Variants in GPC4 observed in about 807,000 individuals in gnomAD.
GPC4 encodes the protein glypican 4, also known as glypican-4.
Under a neutral mutation model 35.0 loss-of-function variants are expected in GPC4, and 10 were observed. The ratio of observed to expected loss-of-function variants is 0.29; its 90% confidence interval spans 0.18 to 0.48. The LOEUF is 0.48. GPC4 is among the 20% of genes least tolerant of loss of function. The pLI, the probability that GPC4 is intolerant of heterozygous loss-of-function variation, is 0.99. For synonymous variants in GPC4, 167 were observed against 170.2 expected (o/e 0.98, Z 0.15); for missense variants, 322 against 451.3 (o/e 0.71, Z 2.60).
chrX:133,355,641 G>C (rs113549723), intron 1 of GPC4, among the ~76,000 whole-genome samples: 24 of 111,549 alleles, frequency 2.2e-4, no homozygotes, highest in African/African-American at 6.2e-4. Context: ...GAACAAGAAG[G>C]GTCAATGAAA....
At chrX:133,385,593 G>A (rs111918650) in intron 1 of GPC4, among the ~76,000 whole-genome samples, 2,189 of 111,447 alleles carry the variant, frequency 0.02, 57 homozygotes, top group African/African-American at 0.068. Flanking sequence ...CAGAAACTTA[G>A]GTTCAGTTTC....
chrX:133,389,734 T>C (rs753669623), intron 1 of GPC4, among the ~76,000 whole-genome samples: 1 of 111,074 alleles, frequency 9.0e-6, no homozygotes, highest in Non-Finnish European at 1.9e-5. Flanking sequence ...CTACCCAAGA[T>C]GACTCTGTTG....
intron 3 of GPC4, among the ~76,000 whole-genome samples, chrX:133,315,396 C>A (rs892330803): frequency 1.7e-4 from 19 of 110,410 alleles, no homozygotes; most frequent in African/African-American, 6.3e-4. Flanking sequence ...CCAGGCACTG[C>A]TGGGGGCTCT....
At chrX:133,326,969 G>A (rs766285358) in intron 2 of GPC4, among the ~76,000 whole-genome samples, 35 of 112,674 alleles carry the variant, frequency 3.1e-4, no homozygotes, top group South Asian at 2.2e-3. Context: ...AAAGGCACAC[G>A]TGGATTGCGT....
At position 133,324,426 on chromosome X, in the gene GPC4, C is replaced by G. The variant is rs768240369; in HGVS notation, c.430G>C (p.Val144Leu). The change falls in exon 3 of 9, where the codon GTA (valine) becomes CTA (leucine). Residue 144 changes from valine to leucine, a missense_variant. Physicochemically the swap from Val to Leu is conservative, Grantham distance 32. Transcript: ENST00000370828. Reference protein sequence around the residue: ...QNSELFKDLFVELKRYYVVGN... With the variant: ...QNSELFKDLFLELKRYYVVGN... ...ACCACGTAGTAACGTTTCAACTCTACGAAGAGATCTTTAAATAGCTCAGAA... is the reference window on the plus strand; with the variant it reads ...ACCACGTAGTAACGTTTCAACTCTAGGAAGAGATCTTTAAATAGCTCAGAA... 8.3e-7 allele frequency: 1 copy of G among 1,210,421 alleles called. No homozygotes were observed. The highest frequency in any genetic ancestry group is 2.2e-5 in the Admixed American group (1 of 45,804).
At chrX:133,408,033 C>A (rs752228114) in intron 1 of GPC4, among the ~76,000 whole-genome samples, 2 of 112,508 alleles carry the variant, frequency 1.8e-5, no homozygotes, top group South Asian at 7.3e-4. Flanking sequence ...GCTGATGCAG[C>A]TCTTTGATTT....
intron 1 of GPC4, among the ~76,000 whole-genome samples, chrX:133,405,177 C>T (rs191278266): frequency 2.0e-5 from 2 of 100,973 alleles, no homozygotes; most frequent in African/African-American, 7.4e-5. Context: ...GGCTCAATCT[C>T]GGCTCACTGC....
At chrX:133,404,032 T>C (rs1330361401) in intron 1 of GPC4, among the ~76,000 whole-genome samples, 1 of 111,202 alleles carries the variant, frequency 9.0e-6, no homozygotes, top group Non-Finnish European at 1.9e-5. Context: ...AATAGCTACA[T>C]AGTCAGACAC....
intron 3 of GPC4, among the ~76,000 whole-genome samples, chrX:133,315,364 C>T (rs1219626971): frequency 4.5e-5 from 5 of 110,243 alleles, no homozygotes; most frequent in Non-Finnish European, 9.4e-5. Context: ...AGTGGTGGCA[C>T]TTACTGTCAC....
intron 1 of GPC4, among the ~76,000 whole-genome samples, chrX:133,350,114 G>C (rs73239381): frequency 0.062 from 6,912 of 111,065 alleles, 256 homozygotes; most frequent in Non-Finnish European, 0.098. Context: ...AAATATACCA[G>C]AAGAATAACA....
At chrX:133,348,763 T>G (rs1441510148) in intron 1 of GPC4, among the ~76,000 whole-genome samples, 1 of 112,374 alleles carries the variant, frequency 8.9e-6, no homozygotes, top group East Asian at 2.8e-4. Flanking sequence ...TTCAAGCTCT[T>G]TAAGAGAAAA....
At chrX:133,392,628 T>A in intron 1 of GPC4, among the ~76,000 whole-genome samples, 1 of 102,393 alleles carries the variant, frequency 9.8e-6, no homozygotes, top group Admixed American at 1.1e-4. Flanking sequence ...GTCACCCAAC[T>A]TCAGGCTTTA....
At chrX:133,317,040 G>T (rs777637155) in intron 3 of GPC4, among the ~76,000 whole-genome samples, 1 of 111,543 alleles carries the variant, frequency 9.0e-6, no homozygotes, top group South Asian at 3.8e-4. Flanking sequence ...TGATAGAAAG[G>T]GAATATCATC....
intron 1 of GPC4, among the ~76,000 whole-genome samples, chrX:133,402,988 C>G (rs1296458664): frequency 9.1e-6 from 1 of 109,838 alleles, no homozygotes; most frequent in African/African-American, 3.3e-5. Flanking sequence ...CTGGAACAGA[C>G]AGCGTAAGAA....
intron 1 of GPC4, among the ~76,000 whole-genome samples, chrX:133,381,791 G>A (rs780154700): frequency 5.3e-5 from 6 of 112,212 alleles, no homozygotes; most frequent in Non-Finnish European, 1.1e-4. Flanking sequence ...GCCTACTGTT[G>A]TCTTACCACA....
intron 2 of GPC4, among the ~76,000 whole-genome samples, chrX:133,327,034 C>T (rs1400444142): frequency 8.9e-6 from 1 of 112,817 alleles, no homozygotes; most frequent in Non-Finnish European, 1.9e-5. Flanking sequence ...AAAAACAAAG[C>T]TTTGCCATCA....
chrX:133,335,281 T>C (rs58607482), intron 2 of GPC4, among the ~76,000 whole-genome samples: 9,852 of 109,553 alleles, frequency 0.09, 390 homozygotes, highest in South Asian at 0.32. Flanking sequence ...AGAATACAGA[T>C]TTCTGGTATT....
At chrX:133,414,053 C>T (rs1056993534) in intron 1 of GPC4, among the ~76,000 whole-genome samples, 51 of 111,122 alleles carry the variant, frequency 4.6e-4, no homozygotes, top group Non-Finnish European at 8.9e-4. Context: ...TGCAATTAAC[C>T]CTTAAAATGA....
At chrX:133,344,112 A>G (rs2068478737) in intron 1 of GPC4, among the ~76,000 whole-genome samples, 1 of 106,893 alleles carries the variant, frequency 9.4e-6, no homozygotes, top group African/African-American at 3.4e-5. Flanking sequence ...ATAGGTGCTC[A>G]GGCCAGCCCT....
Sources: allele counts gnomAD v4.1 joint callset (sites outside exome capture counted in the v4.1 genomes callset), GRCh38; gene constraint gnomAD v4.1.1; transcripts MANE v1.5; gene names NCBI Gene and HGNC (gene_info 2026-07-23, HGNC 2026-07-21).